Variants in DACH1 observed in about 807,000 individuals in gnomAD.
The protein encoded by DACH1 is dachshund family transcription factor 1, also known as dachshund homolog 1.
In DACH1, 12 loss-of-function variants were observed where a neutral mutation model predicts 54.2. The ratio of observed to expected loss-of-function variants is 0.22; its 90% confidence interval spans 0.14 to 0.36. The LOEUF is 0.36. Ranked by LOEUF, DACH1 falls within the 10% of genes least tolerant of loss-of-function variation. The pLI, the probability that DACH1 is intolerant of heterozygous loss-of-function variation, is 1.00. For missense variants in DACH1, 805 were observed against 929.8 expected (o/e 0.87, Z 1.75); for synonymous variants, 386 against 366.2 (o/e 1.05, Z -0.62).
chr13:71,469,902 A>G (rs1876918812), intron 10 of DACH1, among the ~76,000 whole-genome samples: 1 of 152,216 alleles, frequency 6.6e-6, no homozygotes, highest in African/African-American at 2.4e-5. Flanking sequence ...AAGAAGAAAA[A>G]GCCAAACAGT....
At chr13:71,817,759 C>A (rs1430178398) in intron 1 of DACH1, among the ~76,000 whole-genome samples, 9 of 149,392 alleles carry the variant, frequency 6.0e-5, no homozygotes, top group Non-Finnish European at 1.2e-4. Context: ...TCACCTGTTT[C>A]TTTTAACATT....
intron 7 of DACH1, among the ~76,000 whole-genome samples, chr13:71,485,625 G>C (rs564269122): frequency 9.0e-6 from 1 of 111,144 alleles, no homozygotes; most frequent in East Asian, 3.0e-4. Context: ...TTGTTCTGTC[G>C]CCAGGCTGGA....
intron 1 of DACH1, among the ~76,000 whole-genome samples, chr13:71,864,713 T>A (rs1181251327): frequency 1.3e-5 from 2 of 151,940 alleles, no homozygotes; most frequent in Non-Finnish European, 2.9e-5. Flanking sequence ...GGAATGATCA[T>A]CTCTACCCCG....
At chr13:71,648,911 T>C (rs1324412354) in intron 2 of DACH1, among the ~76,000 whole-genome samples, 1 of 152,134 alleles carries the variant, frequency 6.6e-6, no homozygotes, top group Non-Finnish European at 1.5e-5. Context: ...TCAGGACAGA[T>C]GGTAGGGTCA....
intron 1 of DACH1, among the ~76,000 whole-genome samples, chr13:71,758,121 A>T (rs1275298733): frequency 6.6e-6 from 1 of 152,090 alleles, no homozygotes; most frequent in African/African-American, 2.4e-5. Flanking sequence ...GGCTGTGAAC[A>T]CAGTCTCTCC....
At chr13:71,561,208 C>T (rs1361587899) in intron 4 of DACH1, among the ~76,000 whole-genome samples, 1 of 152,044 alleles carries the variant, frequency 6.6e-6, no homozygotes, top group Non-Finnish European at 1.5e-5. Context: ...TTCTTAAATG[C>T]GCTTATGCTT....
At chr13:71,810,313 G>C (rs1887664155) in intron 1 of DACH1, among the ~76,000 whole-genome samples, 1 of 152,152 alleles carries the variant, frequency 6.6e-6, no homozygotes, top group African/African-American at 2.4e-5. Flanking sequence ...TGCCAAAGCA[G>C]TGTCCTTACT....
chr13:71,841,585 T>C (rs1872856254), intron 1 of DACH1, among the ~76,000 whole-genome samples: 1 of 152,176 alleles, frequency 6.6e-6, no homozygotes, highest in African/African-American at 2.4e-5. Context: ...TTAAATTTAG[T>C]TACAGCTGCC....
chr13:71,553,024 A>G (rs1431209223), intron 6 of DACH1, among the ~76,000 whole-genome samples: 1 of 147,882 alleles, frequency 6.8e-6, no homozygotes, highest in East Asian at 2.0e-4. Context: ...TCTACTAAAA[A>G]TACAAAAATT....
At chr13:71,521,188 C>A (rs913161412) in intron 6 of DACH1, among the ~76,000 whole-genome samples, 22 of 152,056 alleles carry the variant, frequency 1.4e-4, no homozygotes, top group African/African-American at 5.1e-4. Flanking sequence ...TTGTAAGTTG[C>A]TGTGAGGACT....
intron 1 of DACH1, among the ~76,000 whole-genome samples, chr13:71,827,191 T>C (rs1483389877): frequency 6.6e-6 from 1 of 152,038 alleles, no homozygotes; most frequent in Non-Finnish European, 1.5e-5. Context: ...TTTATGCCTC[T>C]AAACACAGCT....
intron 6 of DACH1, among the ~76,000 whole-genome samples, chr13:71,544,576 C>T (rs934994146): frequency 2.0e-5 from 3 of 152,106 alleles, no homozygotes; most frequent in Non-Finnish European, 4.4e-5. Flanking sequence ...GAGATTATGA[C>T]TGCAAAACTT....
intron 1 of DACH1, among the ~76,000 whole-genome samples, chr13:71,702,423 A>G (rs1882185399): frequency 6.6e-6 from 1 of 152,230 alleles, no homozygotes; most frequent in African/African-American, 2.4e-5. Flanking sequence ...CAGTGAGCTT[A>G]ACAAGCAAAC....
At chr13:71,852,105 C>G (rs1243946056) in intron 1 of DACH1, among the ~76,000 whole-genome samples, 4 of 152,184 alleles carry the variant, frequency 2.6e-5, no homozygotes, top group African/African-American at 9.7e-5. Flanking sequence ...ACTGATAGTA[C>G]TGTCTGTCCA....
chr13:71,735,731 C>T lies in DACH1; in HGVS notation c.849-53821G>A, dbSNP rs185680348. On this transcript the variant is annotated intron_variant, in intron 1 of 10. Coordinates refer to ENST00000613252, the MANE Select transcript of DACH1 (RefSeq NM_080759.6). ...TTAAGATTCTTCACCAAACATTTCT[C>T]TTATTCTAGAAGTAATTTAGAAATT... is the stretch of plus-strand genomic sequence containing the variant. Among the ~76,000 whole-genome samples, 349 of 151,998 alleles carry T rather than the reference C, an allele frequency of 2.3e-3. 3 individuals carry two copies. The highest frequency in any genetic ancestry group is 8.1e-3 in the African/African-American group (335 of 41,452).
intron 7 of DACH1, among the ~76,000 whole-genome samples, chr13:71,486,801 T>A (rs5007647): frequency 0.89 from 132,454 of 149,330 alleles, 59,600 homozygotes; most frequent in Middle Eastern, 0.98. Flanking sequence ...TTAATTAATT[T>A]ATTTATTTAT....
intron 5 of DACH1, among the ~76,000 whole-genome samples, chr13:71,557,835 C>T (rs1329643434): frequency 6.9e-6 from 1 of 144,156 alleles, no homozygotes; most frequent in Non-Finnish European, 1.5e-5. Flanking sequence ...AAATAAATGG[C>T]CTGTACTAAA....
At chr13:71,820,404 CA>C (rs1888140924) in intron 1 of DACH1, among the ~76,000 whole-genome samples, 1 of 152,118 alleles carries the variant, frequency 6.6e-6, no homozygotes, top group Non-Finnish European at 1.5e-5. Flanking sequence ...ATGACTTTTC[CA>C]ATTTCCAAAG....
intron 1 of DACH1, among the ~76,000 whole-genome samples, chr13:71,859,821 A>G (rs1874235945): frequency 6.6e-6 from 1 of 151,946 alleles, no homozygotes. Context: ...TAAAAAGCGA[A>G]TATCAGCAAA....
Sources: allele counts gnomAD v4.1 joint callset (sites outside exome capture counted in the v4.1 genomes callset), GRCh38; gene constraint gnomAD v4.1.1; transcripts MANE v1.5; gene names NCBI Gene and HGNC (gene_info 2026-07-23, HGNC 2026-07-21).